Variants in MYH7B observed in about 807,000 individuals in gnomAD.
MYH7B encodes the protein myosin-7B.
In MYH7B, 205 loss-of-function variants were observed where a neutral mutation model predicts 234.5. That is an observed-to-expected ratio of 0.87 (90% CI 0.78 to 0.98). The LOEUF is 0.98. Among genes scored for constraint, MYH7B ranks in the 50% least tolerant of loss-of-function variants. The pLI, the probability that MYH7B is intolerant of heterozygous loss-of-function variation, is 0.00. For missense variants in MYH7B, 2,652 were observed against 2,633.4 expected, an observed-to-expected ratio of 1.01 and a Z score of -0.15; for synonymous variants, 1,193 against 1,105.0, an observed-to-expected ratio of 1.08 and a Z score of -1.58.
At chr20:34,991,203 G>C in intron 24 of MYH7B, 82 bp downstream of exon 24, 1 of 972,414 alleles carries the variant, frequency 1.0e-6, no homozygotes, top group East Asian at 2.5e-5. Context: ...GAGCCCAACA[G>C]ACGGTCCCCT....
At chr20:34,980,096 C>T (rs1223488593) in intron 7 of MYH7B, 4 of 474,660 alleles carry the variant, frequency 8.4e-6, no homozygotes, top group Non-Finnish European at 1.5e-5. Context: ...TGCGTGTGGG[C>T]TGGGGCAGGG....
rs543548615 is a variant in MYH7B at position 34,994,463 on chromosome 20, A to C, written c.2700+62A>C. 3.8e-4 allele frequency: 575 copies of C among 1,505,898 alleles called. 5 individuals are homozygous for C. In the South Asian group the frequency reaches 6.4e-3, roughly 17 times the overall value. The allele number at this position is 1,505,898 out of a possible 1,614,324, so 93.3% of individuals were successfully genotyped here. On this transcript the variant is annotated intron_variant, in intron 27 of 44. Transcript: ENST00000262873. ...GCCCCGAGTACCCCTGGCTGCTCTG[A>C]GGGATAGTACAGCGAGACCCATGGG...
chr20:35,000,537 G>A (rs747123716), exon 39 of MYH7B: 8 of 1,587,716 alleles, frequency 5.0e-6, no homozygotes, highest in East Asian at 2.3e-5. Context: ...TGAGCTCCAC[G>A]AGCAGGCGCA....
At chr20:34,985,449 C>T (rs1600433921) in intron 13 of MYH7B, among the ~76,000 whole-genome samples, 1 of 152,242 alleles carries the variant, frequency 6.6e-6, no homozygotes, top group East Asian at 1.9e-4. Context: ...CCTGTGACTG[C>T]ACCCCTAGCG....
At chr20:34,978,915 G>A (rs1379060731) in intron 5 of MYH7B, among the ~76,000 whole-genome samples, 2 of 152,128 alleles carry the variant, frequency 1.3e-5, no homozygotes, top group Non-Finnish European at 2.9e-5. Context: ...GCTCCTCAAA[G>A]CTCTGGGGAC....
At chr20:34,995,799 A>T (rs1225320350) in intron 28 of MYH7B, among the ~76,000 whole-genome samples, 5 of 152,266 alleles carry the variant, frequency 3.3e-5, no homozygotes, top group African/African-American at 1.2e-4. Context: ...TTTACTGAGC[A>T]CACGCTCCTA....
exon 39 of MYH7B, chr20:35,000,669 C>T (rs757388557): frequency 6.3e-7 from 1 of 1,589,590 alleles, no homozygotes; most frequent in Non-Finnish European, 8.6e-7. Flanking sequence ...CACCGAGCGC[C>T]TCAACCTTCT....
chr20:34,990,350 G>C, intron 22 of MYH7B, 40 bp downstream of exon 22: 1 of 1,610,962 alleles, frequency 6.2e-7, no homozygotes, highest in Admixed American at 1.7e-5. Flanking sequence ...CCTCTTGGCA[G>C]CCTCCAGCCC....
At chr20:34,987,467 C>A in intron 16 of MYH7B, 90 bp from the exon 17 acceptor site, 1 of 1,422,146 alleles carries the variant, frequency 7.0e-7, no homozygotes, top group Non-Finnish European at 9.7e-7. Context: ...CCCCTCTTAA[C>A]TTCCCTCTCC....
At chr20:34,997,708 C>T in intron 32 of MYH7B, 68 bp downstream of exon 32, 2 of 1,572,876 alleles carry the variant, frequency 1.3e-6, no homozygotes, top group Non-Finnish European at 1.7e-6. Context: ...GCAGCCAATA[C>T]TGTTCCCACA....
At chr20:34,973,388 T>C (rs757731936) in intron 2 of MYH7B, among the ~76,000 whole-genome samples, 22 of 152,262 alleles carry the variant, frequency 1.4e-4, no homozygotes, top group Non-Finnish European at 2.9e-4. Context: ...TGTAGAAGCA[T>C]TATTCACAGA....
chr20:34,989,991 C>G, intron 20 of MYH7B, 23 bp from the exon 21 acceptor site: 1 of 1,613,732 alleles, frequency 6.2e-7, no homozygotes, highest in East Asian at 2.2e-5. Context: ...CACCCGGGCT[C>G]AGCACCTGAC....
intron 32 of MYH7B, 102 bp from the exon 33 acceptor site, chr20:34,998,193 A>G (rs925557251): frequency 1.4e-6 from 2 of 1,385,184 alleles, no homozygotes; most frequent in Admixed American, 3.8e-5. Context: ...TCCTGGGCCC[A>G]CATCTAGCTT....
chr20:34,997,305 C>CGCGTGGAGAAGCA lies in MYH7B; in HGVS notation c.3418_3430dup (p.Ala1144GlyfsTer91), dbSNP rs1035757959. On this transcript the variant is annotated frameshift_variant, in exon 32 of 45. Coordinates refer to ENST00000262873, the Ensembl canonical transcript of MYH7B. LOFTEE classifies it high-confidence loss of function. ...GGAGGCAGAGCGGGCAGCCCGGGCC[C>CGCGTGGAGAAGCA]GCGTGGAGAAGCAGCGTGCAGAGGC... 1 of 1,553,304 alleles carries CGCGTGGAGAAGCA rather than the reference C, an allele frequency of 6.4e-7. No individual in the cohort carries two copies. Among genetic ancestry groups the CGCGTGGAGAAGCA allele is most frequent in the Non-Finnish European group, 8.7e-7 (1 of 1,150,114 alleles).
At position 34,990,430 on chromosome 20, in the gene MYH7B, ACTC is replaced by A. The variant is rs758869504; in HGVS notation, c.1977+124_1977+126del. 5.7e-6 allele frequency: 6 copies of A among 1,049,616 alleles called. No individual in the cohort carries two copies. In the Admixed American group the frequency reaches 8.4e-5, roughly 15 times the overall value. The allele number at this position is 1,049,616 out of a possible 1,614,324, so 65.0% of individuals were successfully genotyped here. A position where few individuals can be genotyped will look rare whatever the true frequency, so the allele number is the denominator to read the frequency against. On this transcript the variant is annotated intron_variant, in intron 22 of 44. Transcript: ENST00000262873. ...CTGTTAAGACTTGCAGTGATGTTTAACTCCTCTCCACGTGAACATCACAGCAAG... is the reference window on the plus strand; with the variant it reads ...CTGTTAAGACTTGCAGTGATGTTTAACTCTCCACGTGAACATCACAGCAAG...
exon 32 of MYH7B, chr20:34,997,356 G>A (rs773666833): frequency 4.8e-5 from 74 of 1,535,370 alleles, no homozygotes; most frequent in Admixed American, 1.0e-4. Flanking sequence ...GGAGCTGAGC[G>A]AGCGGCTGGA....
chr20:35,001,550 C>G, intron 43 of MYH7B, 24 bp downstream of exon 43: 1 of 1,576,328 alleles, frequency 6.3e-7, no homozygotes, highest in Non-Finnish European at 8.6e-7. Flanking sequence ...GGCCTGGACA[C>G]CTGGACCGGG....
In MYH7B at chr20:35,001,013, A is replaced by AG. The variant is rs749330036; in HGVS notation, c.5331dup (p.Lys1778GlufsTer28). 10 of 1,613,802 alleles carry AG rather than the reference A, an allele frequency of 6.2e-6. No individual in the cohort carries two copies. The highest frequency in any genetic ancestry group is 8.5e-6 in the Non-Finnish European group (10 of 1,180,006). On this transcript the variant is annotated frameshift_variant, in exon 41 of 45. Coordinates refer to ENST00000262873, the Ensembl canonical transcript of MYH7B. LOFTEE classifies it high-confidence loss of function. Reference sequence around the variant, plus strand: ...GCGGCCATGATGGCCGAGGAGCTGAAGAAGGAGCAGGACACAAGTGCACAC... The same window carrying AG: ...GCGGCCATGATGGCCGAGGAGCTGAAGGAAGGAGCAGGACACAAGTGCACAC...
At chr20:34,970,676 G>A (rs1336275829) in intron 2 of MYH7B, among the ~76,000 whole-genome samples, 1 of 152,222 alleles carries the variant, frequency 6.6e-6, no homozygotes, top group African/African-American at 2.4e-5. Flanking sequence ...CACTGGGCCT[G>A]AGCATTGTCT....
Sources: allele counts gnomAD v4.1 joint callset (sites outside exome capture counted in the v4.1 genomes callset), GRCh38; gene constraint gnomAD v4.1.1; transcripts MANE v1.5; gene names NCBI Gene and HGNC (gene_info 2026-07-23, HGNC 2026-07-21).